CYP11A1: variants seen among roughly 807,000 people sequenced by gnomAD.
The protein encoded by CYP11A1 is cytochrome P450 family 11 subfamily A member 1.
CYP11A1 carries 25 observed loss-of-function variants against 51.9 expected under a neutral mutation model. The observed-to-expected ratio is 0.48, with a 90% CI of 0.35 to 0.67. The LOEUF (loss-of-function observed/expected upper bound fraction) is 0.67, where lower values mean the gene tolerates loss of function less well. CYP11A1 is among the 30% of genes least tolerant of loss of function. The probability of loss-of-function intolerance (pLI) is 0.00; values close to 1 mark genes in which losing one functional copy is unlikely to be tolerated. For synonymous variants in CYP11A1, 245 were observed against 262.1 expected (o/e 0.93, Z 0.63); for missense variants, 578 against 680.9 (o/e 0.85, Z 1.68).
chr15:74,347,977 G>A lies in CYP11A1; in HGVS notation c.348C>T (p.Pro116=). The change falls in exon 2 of 9, where the codon CCC becomes CCT. Residue 116 remains proline (P), a synonymous_variant. Coordinates refer to ENST00000268053, the MANE Select transcript of CYP11A1 (RefSeq NM_000781.3). The part of the protein sequence containing the change: ...DVALLFKSEG[P]NPERFLIPPW... ...GCGGGATGAGGAATCGTTCTGGGTT[G>A]GGGCCCTCGGACTTAAAGAGAAGGG... The A allele has an allele frequency of 6.2e-7, 1 of 1,614,208 alleles. No homozygotes were observed. Among genetic ancestry groups the A allele is most frequent in the Non-Finnish European group, 8.5e-7 (1 of 1,180,034 alleles).
intron 1 of CYP11A1, chr15:74,350,880 A>G (rs529072338): frequency 1.3e-5 from 2 of 152,338 alleles, no homozygotes; most frequent in East Asian, 1.9e-4. Context: ...TCAAGACACC[A>G]AGAACCTGGA....
At chr15:74,353,122 G>A (rs961898165) in intron 1 of CYP11A1, among the ~76,000 whole-genome samples, 45 of 152,108 alleles carry the variant, frequency 3.0e-4, no homozygotes, top group African/African-American at 1.0e-3. Context: ...AAAAGTGCCT[G>A]AAAGGGTTAT....
At chr15:74,346,119 G>A (rs931530900) in intron 2 of CYP11A1, among the ~76,000 whole-genome samples, 24 of 152,086 alleles carry the variant, frequency 1.6e-4, no homozygotes, top group Admixed American at 1.4e-3. Flanking sequence ...TTGGGAGACC[G>A]AGGCAGGTGG....
intron 3 of CYP11A1, 60 bp from the exon 4 acceptor site, chr15:74,344,052 C>T: frequency 7.3e-7 from 1 of 1,377,622 alleles, no homozygotes. Flanking sequence ...AGAGCCACAA[C>T]TCCCAGGGAC....
chr15:74,339,795 C>A, intron 5 of CYP11A1, 42 bp from the exon 6 acceptor site: 5 of 1,607,080 alleles, frequency 3.1e-6, no homozygotes, highest in Non-Finnish European at 4.3e-6. Flanking sequence ...GAGGGCCTGT[C>A]ACTCCGGGGC....
chr15:74,339,351 A>G (rs770717461), intron 6 of CYP11A1, 36 bp from the exon 7 acceptor site: 75 of 1,598,144 alleles, frequency 4.7e-5, no homozygotes, highest in Non-Finnish European at 6.3e-5. Flanking sequence ...TGATGGCCCC[A>G]AAGGCTGGAC....
At position 74,358,586 on chromosome 15, in the gene CYP11A1, T is replaced by C. The variant is rs561538317; in HGVS notation, c.269+8731A>G. On this transcript the variant is annotated intron_variant, in intron 1 of 8. Transcript: ENST00000268053. ...CACATCAAGCTCAGGGATTTGCCTCTGCCCAGGACTGGCAAATTGACTTTA... is the reference window on the plus strand; with the variant it reads ...CACATCAAGCTCAGGGATTTGCCTCCGCCCAGGACTGGCAAATTGACTTTA... Among the ~76,000 whole-genome samples the C allele has an allele frequency of 2.4e-4, 36 of 152,330 alleles. No individual in the cohort carries two copies. The South Asian group carries it at 7.5e-3, about 32-fold the overall frequency.
chr15:74,352,212 T>C (rs1272718178), intron 1 of CYP11A1, among the ~76,000 whole-genome samples: 1 of 151,954 alleles, frequency 6.6e-6, no homozygotes, highest in Non-Finnish European at 1.5e-5. Flanking sequence ...TAGAAATGCC[T>C]TCAGTATTAT....
intron 1 of CYP11A1, among the ~76,000 whole-genome samples, chr15:74,352,084 A>G (rs1368228655): frequency 3.3e-5 from 5 of 152,158 alleles, no homozygotes; most frequent in Admixed American, 6.5e-5. Context: ...AAATTGCCTT[A>G]TAAGTAAAAG....
chr15:74,349,657 T>A (rs937406451), intron 1 of CYP11A1, among the ~76,000 whole-genome samples: 1 of 152,204 alleles, frequency 6.6e-6, no homozygotes, highest in East Asian at 1.9e-4. Context: ...GCAACAATGC[T>A]TGATGGATAA....
chr15:74,339,523 G>A (rs751072562), intron 6 of CYP11A1, 64 bp downstream of exon 6: 75 of 1,587,394 alleles, frequency 4.7e-5, no homozygotes, highest in Non-Finnish European at 5.9e-5. Context: ...CCCTTTCCCC[G>A]GGCACTTCCC....
chr15:74,366,171 G>A (rs544583641), intron 1 of CYP11A1: 679 of 985,592 alleles, frequency 6.9e-4, no homozygotes, highest in Non-Finnish European at 7.9e-4. Context: ...CGCGGCCCGG[G>A]CGGCGGCGTG....
chr15:74,348,539 G>A (rs2060642174), intron 1 of CYP11A1, among the ~76,000 whole-genome samples: 1 of 152,130 alleles, frequency 6.6e-6, no homozygotes, highest in South Asian at 2.1e-4. Flanking sequence ...CATATTCCAG[G>A]CCAAATCCCT....
At chr15:74,342,073 G>A (rs2060609479) in intron 5 of CYP11A1, among the ~76,000 whole-genome samples, 1 of 152,164 alleles carries the variant, frequency 6.6e-6, no homozygotes, top group Non-Finnish European at 1.5e-5. Context: ...GCCACGTGAG[G>A]ACATTTGAGG....
At position 74,343,023 on chromosome 15, in the gene CYP11A1, T is replaced by C. The variant is rs746035815; in HGVS notation, c.944A>G (p.Asp315Gly). The change falls in exon 5 of 9, where the codon GAC becomes GGC. Residue 315 changes from aspartate (D) to glycine (G), a missense_variant. Transcript: ENST00000268053. ...CATCTCTGTGACGTTGGCCTTGATG[T>C]CCTCGAAGGACATCTTGCTGTCTCC... ...LLGDSKMSFE[D>G]IKANVTEMLA... 7.4e-6 allele frequency: 12 copies of C among 1,613,066 alleles called. No individual in the cohort carries two copies. Among genetic ancestry groups the C allele is most frequent in the African/African-American group, 1.3e-5 (1 of 75,020 alleles).
chr15:74,348,603 G>A (rs1334184003), intron 1 of CYP11A1, among the ~76,000 whole-genome samples: 1 of 152,196 alleles, frequency 6.6e-6, no homozygotes, highest in Non-Finnish European at 1.5e-5. Context: ...CTAAGAGTCA[G>A]AGGCCACCCA....
At chr15:74,339,894 T>C in intron 5 of CYP11A1, 141 bp from the exon 6 acceptor site, 1 of 758,880 alleles carries the variant, frequency 1.3e-6, no homozygotes, top group Admixed American at 2.5e-5. Context: ...GACCATCCTC[T>C]GCAAGAGCAA....
At chr15:74,339,435 G>A in intron 6 of CYP11A1, 120 bp from the exon 7 acceptor site, 1 of 1,388,142 alleles carries the variant, frequency 7.2e-7, no homozygotes, top group Non-Finnish European at 1.0e-6. Flanking sequence ...CCTGGGGGTA[G>A]GGCCCTGGCT....
chr15:74,345,342 G>T lies in CYP11A1; in HGVS notation c.426-99C>A. On this transcript the variant is annotated intron_variant, in intron 2 of 8. Coordinates refer to ENST00000268053, the MANE Select transcript of CYP11A1 (RefSeq NM_000781.3). The surrounding 1 kb of genome is among the most constrained non-coding windows in gnomAD (Gnocchi z 4.3). Reference sequence around the variant, plus strand: ...AGTTTTCCCAGGAAGCTGAGTCACAGCTCACAGCATCCAGCACTCCCACCA... The same window carrying T: ...AGTTTTCCCAGGAAGCTGAGTCACATCTCACAGCATCCAGCACTCCCACCA... 3.8e-6 allele frequency: 5 copies of T among 1,321,546 alleles called. No individual in the cohort carries two copies. Among genetic ancestry groups the T allele is most frequent in the Non-Finnish European group, 5.4e-6 (5 of 931,804 alleles). The allele number at this position is 1,321,546 out of a possible 1,614,324, so 81.9% of individuals were successfully genotyped here. A position where few individuals can be genotyped will look rare whatever the true frequency, so the allele number is the denominator to read the frequency against.
Sources: allele counts gnomAD v4.1 joint callset (sites outside exome capture counted in the v4.1 genomes callset), GRCh38; gene constraint gnomAD v4.1.1; non-coding constraint Gnocchi (gnomAD v3.1); transcripts MANE v1.5; gene names NCBI Gene and HGNC (gene_info 2026-07-23, HGNC 2026-07-21).